ZNF548: variants seen among roughly 807,000 people sequenced by gnomAD.
ZNF548 encodes the protein zinc finger protein 548.
Under a neutral mutation model 10.2 loss-of-function variants are expected in ZNF548, and 10 were observed. The ratio of observed to expected loss-of-function variants is 0.98; its 90% CI spans 0.60 to 1.66. ZNF548 has a LOEUF of 1.66. Ranked by LOEUF, ZNF548 falls within the 40% of genes most tolerant of loss-of-function variation. The pLI is 0.00. For missense variants in ZNF548, 599 were observed against 657.0 expected (o/e 0.91, Z 0.97); for synonymous variants, 217 against 223.5 (o/e 0.97, Z 0.26).
intron 1 of ZNF548, chr19:57,392,768 A>T (rs988401199): frequency 5.1e-6 from 5 of 985,410 alleles, no homozygotes; most frequent in African/African-American, 3.5e-5. Context: ...AGATGGACTT[A>T]ATTTGAGGGA....
At position 57,400,824 on chromosome 19, in the gene ZNF548, T is replaced by A. The variant is rs572197466; in HGVS notation, c.*935T>A. 6.6e-6 allele frequency: 1 copy of A among 152,342 alleles called. No homozygotes were observed. Among genetic ancestry groups the A allele is most frequent in the Non-Finnish European group, 1.5e-5 (1 of 68,032 alleles). 9.4% of individuals were successfully genotyped at this position (152,342 alleles called of 1,614,324 possible). A position where few individuals can be genotyped will look rare whatever the true frequency, so the allele number is the denominator to read the frequency against. On this transcript the variant is annotated 3_prime_UTR_variant, in exon 4 of 4. Transcript: ENST00000336128. ...CCAGCAGTGCACAAGGATTGCAATC[T>A]ATATACATCCTCACCAACATTGTTC...
intron 1 of ZNF548, chr19:57,393,002 AC>A: frequency 1.0e-6 from 1 of 984,554 alleles, no homozygotes; most frequent in Non-Finnish European, 1.2e-6. Flanking sequence ...TCGATCCTGC[AC>A]CTGCAGGCTT....
At position 57,400,251 on chromosome 19, in the gene ZNF548, A is replaced by G. The variant is rs1177704289; in HGVS notation, c.*362A>G. On this transcript the variant is annotated 3_prime_UTR_variant, in exon 4 of 4. Transcript: ENST00000336128. ...TGAAATAATATTCTATGGTATTTAT[A>G]TACCACATTTATTTATCCATTCATC... 2 of 190,960 alleles carry G rather than the reference A, an allele frequency of 1.0e-5. No homozygotes were observed. The highest frequency in any genetic ancestry group is 2.3e-5 in the African/African-American group (1 of 42,572). 11.8% of individuals were successfully genotyped at this position (190,960 alleles called of 1,614,324 possible).
Position 57,399,334 on chromosome 19 carries a change from C to A in ZNF548, c.1083C>A (p.Ile361=). ...CNDCGKFFRY[I]STLIRHQRIH... ...ATTGTGGGAAATTTTTTAGGTATAT[C>A]TCCACACTCATTAGACATCAGAGAA... The change falls in exon 4 of 4, where the codon ATC becomes ATA. Residue 361 remains isoleucine, a synonymous_variant. Coordinates refer to ENST00000336128, the MANE Select transcript of ZNF548 (RefSeq NM_001172773.2). This position sits in a 1 kb window ranked among gnomAD's most constrained non-coding sequence, Gnocchi z 4.0. The A allele has an allele frequency of 6.2e-7, 1 of 1,614,090 alleles. No homozygotes were observed. The highest frequency in any genetic ancestry group is 1.1e-5 in the South Asian group (1 of 91,078).
At position 57,398,504 on chromosome 19, in the gene ZNF548, G is replaced by A. The variant is rs4801478; in HGVS notation, c.253G>A (p.Ala85Thr). 1,506,945 of 1,614,190 alleles carry A rather than the reference G, an allele frequency of 0.93. 703,954 individuals carry two copies. Among genetic ancestry groups the A allele is most frequent in the African/African-American group, 0.97 (72,751 of 75,060 alleles). The stretch of plus-strand genomic sequence containing the variant: ...TTCTGTAGGAGTGTCAGAGGTTACA[G>A]CTTCAAAGCCCTGTCTGTCCAGCCA... ...GFSVGVSEVT[A>T]SKPCLSSQKV... The change falls in exon 4 of 4, where the codon GCT (alanine) becomes ACT (threonine). Residue 85 changes from alanine to threonine, a missense_variant. Physicochemically the swap from Ala to Thr is moderately conservative, Grantham distance 58. Transcript: ENST00000336128.
At chr19:57,392,056 C>A (rs2088630739) in intron 1 of ZNF548, among the ~76,000 whole-genome samples, 1 of 152,132 alleles carries the variant, frequency 6.6e-6, no homozygotes, top group Admixed American at 6.5e-5. Flanking sequence ...GCCTCGGCCT[C>A]CCAAAGTGCT....
rs2088721643 is a variant in ZNF548 at position 57,402,058 on chromosome 19, T to G, written c.*2169T>G. 6.6e-6 allele frequency: 1 copy of G among 152,156 alleles called. No homozygotes were observed. The highest frequency in any genetic ancestry group is 1.5e-5 in the Non-Finnish European group (1 of 68,034). 9.4% of individuals were successfully genotyped at this position (152,156 alleles called of 1,614,324 possible). On this transcript the variant is annotated 3_prime_UTR_variant, in exon 4 of 4. Transcript: ENST00000336128. ...ACTGTGCCTGGCTACATTTAGATCTTTAATCTACTTGGGGTTCATTTTTGC... is the reference window on the plus strand; with the variant it reads ...ACTGTGCCTGGCTACATTTAGATCTGTAATCTACTTGGGGTTCATTTTTGC...
At position 57,398,946 on chromosome 19, in the gene ZNF548, C is replaced by A. The variant is rs776532384; in HGVS notation, c.695C>A (p.Thr232Lys). 6.2e-7 allele frequency: 1 copy of A among 1,614,082 alleles called. No individual in the cohort carries two copies. The change falls in exon 4 of 4, where the codon ACA (threonine) becomes AAA (lysine). Residue 232 changes from threonine (T) to lysine (K), a missense_variant. By Grantham distance (78) the Thr-to-Lys change is moderately conservative. Transcript: ENST00000336128. ...YSFVEHQKIH[T>K]GERSYECNKC... is the part of the protein sequence containing the mutation. ...TTTGTTGAGCACCAGAAAATCCACA[C>A]AGGAGAAAGGTCTTATGAATGTAAC... is the stretch of plus-strand genomic sequence containing the variant.
intron 3 of ZNF548, 141 bp from the exon 4 acceptor site, chr19:57,398,289 C>T: frequency 6.8e-7 from 1 of 1,471,150 alleles, no homozygotes; most frequent in Non-Finnish European, 9.1e-7. Context: ...CATAGTGGAC[C>T]CTCCTCTCAC....
Position 57,399,326 on chromosome 19 carries a change from A to G in ZNF548, c.1075A>G (p.Arg359Gly). The change falls in exon 4 of 4, where the codon AGG becomes GGG. Residue 359 changes from arginine (R) to glycine (G), a missense_variant. Transcript: ENST00000336128. The surrounding 1 kb of genome is among the most constrained non-coding windows in gnomAD (Gnocchi z 4.0). ...YKCNDCGKFF[R>G]YISTLIRHQR... ...GTGCAATGATTGTGGGAAATTTTTT[A>G]GGTATATCTCCACACTCATTAGACA... The G allele has an allele frequency of 6.2e-7, 1 of 1,614,072 alleles. No homozygotes were observed. Among genetic ancestry groups the G allele is most frequent in the Non-Finnish European group, 8.5e-7 (1 of 1,179,952 alleles).
At chr19:57,398,366 G>A in intron 3 of ZNF548, 64 bp from the exon 4 acceptor site, 1 of 1,578,516 alleles carries the variant, frequency 6.3e-7, no homozygotes, top group South Asian at 1.2e-5. Flanking sequence ...ACACACATTT[G>A]TGATGGAGCT....
Position 57,401,006 on chromosome 19 carries a change from G to T in ZNF548, c.*1117G>T. The T allele has an allele frequency of 6.6e-6, 1 of 152,136 alleles. No homozygotes were observed. The highest frequency in any genetic ancestry group is 1.9e-4 in the East Asian group (1 of 5,204). 9.4% of individuals were successfully genotyped at this position (152,136 alleles called of 1,614,324 possible). A position where few individuals can be genotyped will look rare whatever the true frequency, so the allele number is the denominator to read the frequency against. The stretch of plus-strand genomic sequence containing the variant: ...CTTTTCATGTGCTTGTTAGGCATTT[G>T]TGTATCTGGAAAAATATTCAAGTCT... On this transcript the variant is annotated 3_prime_UTR_variant, in exon 4 of 4. Coordinates refer to ENST00000336128, the MANE Select transcript of ZNF548 (RefSeq NM_001172773.2).
rs1014194167 is a variant in ZNF548, at chr19:57,401,551, G to A, written c.*1662G>A. On this transcript the variant is annotated 3_prime_UTR_variant, in exon 4 of 4. Transcript: ENST00000336128. ...CATCAGATGATTTTGGTATCCACAA[G>A]GGGTCCTGGAATCAGTCCCCCACAG... The A allele has an allele frequency of 2.6e-5, 4 of 151,948 alleles. No homozygotes were observed. Among genetic ancestry groups the A allele is most frequent in the Admixed American group, 1.3e-4 (2 of 15,252 alleles). The allele number at this position is 151,948 out of a possible 1,614,324, so 9.4% of individuals were successfully genotyped here.
chr19:57,391,383 T>C (rs976256965), intron 1 of ZNF548, among the ~76,000 whole-genome samples: 4 of 152,098 alleles, frequency 2.6e-5, no homozygotes, highest in African/African-American at 9.7e-5. Flanking sequence ...TGATGGATAA[T>C]TGGTTAATTC....
chr19:57,391,731 T>A (rs1017581002), intron 1 of ZNF548, among the ~76,000 whole-genome samples: 1 of 152,036 alleles, frequency 6.6e-6, no homozygotes, highest in African/African-American at 2.4e-5. Flanking sequence ...CATTTTTTTA[T>A]ATGCCTGCTT....
In ZNF548 at chr19:57,389,880, G is replaced by T. The variant is rs1025242013; in HGVS notation, c.-220G>T. 1.0e-5 allele frequency: 5 copies of T among 494,020 alleles called. No individual in the cohort carries two copies. Among genetic ancestry groups the T allele is most frequent in the Non-Finnish European group, 1.8e-5 (5 of 280,374 alleles). 30.6% of individuals were successfully genotyped at this position (494,020 alleles called of 1,614,324 possible). A position where few individuals can be genotyped will look rare whatever the true frequency, so the allele number is the denominator to read the frequency against. ...GGACTTCCGCCGTCCTCCTGGTGGT[G>T]GTCGTTTTGGTTCTGTGTGGTGTTT... On this transcript the variant is annotated 5_prime_UTR_variant, in exon 1 of 4. Coordinates refer to ENST00000336128, the MANE Select transcript of ZNF548 (RefSeq NM_001172773.2).
intron 3 of ZNF548, 121 bp downstream of exon 3, chr19:57,397,295 G>A (rs748044535): frequency 1.5e-4 from 203 of 1,387,556 alleles, no homozygotes; most frequent in Admixed American, 2.3e-4. Flanking sequence ...CTGTTTCTTG[G>A]CATATATGCT....
intron 1 of ZNF548, among the ~76,000 whole-genome samples, chr19:57,393,453 GA>G (rs1163043682): frequency 6.6e-6 from 1 of 151,618 alleles, no homozygotes; most frequent in East Asian, 1.9e-4. Context: ...CTGTGGTCGG[GA>G]GTTCGAGACC....
At chr19:57,394,459 G>A (rs2088651240) in intron 2 of ZNF548, among the ~76,000 whole-genome samples, 1 of 152,300 alleles carries the variant, frequency 6.6e-6, no homozygotes, top group African/African-American at 2.4e-5. Context: ...ATGTTTCAAT[G>A]TTTGGAGGAG....
Sources: gnomAD v4.1 joint callset for allele counts (sites outside exome capture counted in the v4.1 genomes callset) on GRCh38, gnomAD v4.1.1 for gene constraint, Gnocchi (gnomAD v3.1) non-coding constraint, MANE v1.5 for transcripts, NCBI Gene and HGNC (gene_info 2026-07-23, HGNC 2026-07-21) for gene names.